TJP1: variants seen among roughly 807,000 people sequenced by gnomAD.
The protein encoded by TJP1 is tight junction protein ZO-1.
TJP1 carries 43 observed loss-of-function variants against 194.2 expected under a neutral mutation model. That is an observed-to-expected ratio of 0.22 (90% CI 0.17 to 0.29). The LOEUF is 0.29. Ranked by LOEUF, TJP1 falls within the 10% of genes least tolerant of loss-of-function variation. The pLI is 1.00. For missense variants in TJP1, 1,971 were observed against 2,185.7 expected (o/e 0.90, Z 1.96); for synonymous variants, 801 against 779.0 (o/e 1.03, Z -0.47).
chr15:29,944,297 A>G (rs1450631042), intron 2 of TJP1, among the ~76,000 whole-genome samples: 1 of 151,458 alleles, frequency 6.6e-6, no homozygotes, highest in Non-Finnish European at 1.5e-5. Flanking sequence ...GGGTTTCACC[A>G]TGTTACCCAG....
At chr15:29,709,782 C>A (rs2042124251) in intron 24 of TJP1, among the ~76,000 whole-genome samples, 1 of 152,142 alleles carries the variant, frequency 6.6e-6, no homozygotes, top group Admixed American at 6.5e-5. Context: ...CAGGAACTAG[C>A]AAAAGAGGTC....
In TJP1 at chr15:29,925,595, AC is replaced by A. The variant is rs1289198539; in HGVS notation, c.306+30636del. 4.6e-5 allele frequency among the ~76,000 whole-genome samples: 7 copies of A among 152,212 alleles called. No individual in the cohort carries two copies. In the East Asian group the frequency reaches 1.3e-3, roughly 29 times the overall value. ...AGGCTGGGACATTATTCTTAGAAATACACAAATACACGCACCCTTTTTTCTA... is the reference window on the plus strand; with the variant it reads ...AGGCTGGGACATTATTCTTAGAAATAACAAATACACGCACCCTTTTTTCTA... On this transcript the variant is annotated intron_variant, in intron 2 of 28. Coordinates refer to the TJP1 transcript ENST00000356107.
intron 2 of TJP1, among the ~76,000 whole-genome samples, chr15:29,881,565 C>T (rs1003921773): frequency 1.3e-5 from 2 of 152,124 alleles, no homozygotes; most frequent in Non-Finnish European, 2.9e-5. Context: ...GCCTGGTTTC[C>T]TCATTTGCTA....
In TJP1 at chr15:29,814,662, C is replaced by A. The variant is rs560469067; in HGVS notation, c.27+7340G>T. ...AAAAGGAAAAAATATTTCGGTAAGT[C>A]AAAAAAAATTAATTAAACCAGGTAT... is the stretch of plus-strand genomic sequence containing the variant. On this transcript the variant is annotated intron_variant, in intron 1 of 27. Transcript: ENST00000614355. 2.0e-3 allele frequency among the ~76,000 whole-genome samples: 304 copies of A among 151,652 alleles called. 2 individuals carry two copies. Among genetic ancestry groups the A allele is most frequent in the African/African-American group, 6.7e-3 (278 of 41,404 alleles).
At chr15:29,806,317 A>G (rs1016820229) in intron 1 of TJP1, among the ~76,000 whole-genome samples, 12 of 152,182 alleles carry the variant, frequency 7.9e-5, no homozygotes, top group African/African-American at 2.4e-4. Context: ...ATGAAAACCA[A>G]TGGAGCTAAT....
chr15:29,748,563 TC>T (rs2044976895), intron 8 of TJP1, among the ~76,000 whole-genome samples: 1 of 104,520 alleles, frequency 9.6e-6, no homozygotes, highest in East Asian at 3.7e-4. Flanking sequence ...CCTTCCTAAT[TC>T]TTTTTTTTTT....
chr15:29,904,176 G>C (rs929402726), intron 2 of TJP1, among the ~76,000 whole-genome samples: 1 of 152,046 alleles, frequency 6.6e-6, no homozygotes. Flanking sequence ...CCACAATGAG[G>C]GTTCAGGATT....
intron 2 of TJP1, among the ~76,000 whole-genome samples, chr15:29,923,104 A>C (rs1003920338): frequency 6.6e-6 from 1 of 152,194 alleles, no homozygotes; most frequent in Non-Finnish European, 1.5e-5. Context: ...GGGAAGGCAG[A>C]GTGGCACTCT....
intron 2 of TJP1, among the ~76,000 whole-genome samples, chr15:29,836,737 G>C (rs898030576): frequency 6.6e-6 from 1 of 152,204 alleles, no homozygotes; most frequent in African/African-American, 2.4e-5. Flanking sequence ...ACTAAGTCAT[G>C]GAGACAGAGC....
intron 2 of TJP1, among the ~76,000 whole-genome samples, chr15:29,775,737 G>C (rs1171932990): frequency 6.6e-6 from 1 of 152,018 alleles, no homozygotes; most frequent in Non-Finnish European, 1.5e-5. Context: ...TATTAGAACA[G>C]CATTAGAAAA....
At chr15:29,710,345 G>A (rs1161800051) in intron 24 of TJP1, among the ~76,000 whole-genome samples, 1 of 152,168 alleles carries the variant, frequency 6.6e-6, no homozygotes, top group Non-Finnish European at 1.5e-5. Flanking sequence ...GTCTGTGCTA[G>A]GAAAATGCCT....
intron 2 of TJP1, among the ~76,000 whole-genome samples, chr15:29,913,948 A>G (rs1319385360): frequency 1.3e-5 from 2 of 152,194 alleles, no homozygotes; most frequent in African/African-American, 4.8e-5. Context: ...TAAAAAGCAG[A>G]TGAGAAAACA....
chr15:29,745,612 T>G (rs2151382236), intron 8 of TJP1, among the ~76,000 whole-genome samples: 1 of 152,302 alleles, frequency 6.6e-6, no homozygotes, highest in African/African-American at 2.4e-5. Flanking sequence ...GCTATATCAG[T>G]AATCTGGTAC....
At chr15:29,951,228 C>T (rs749705585) in intron 2 of TJP1, among the ~76,000 whole-genome samples, 78 of 152,020 alleles carry the variant, frequency 5.1e-4, no homozygotes, top group Non-Finnish European at 9.1e-4. Flanking sequence ...AGTGCAATGG[C>T]ATGATTTCGG....
chr15:29,969,014 C>T (rs1369878074), upstream of TJP1: 1 of 147,756 alleles, frequency 6.8e-6, no homozygotes, highest in East Asian at 2.0e-4. Flanking sequence ...CCGCCGCCGC[C>T]GCCCCTTCCA....
At chr15:29,809,089 T>C (rs371699319) in intron 1 of TJP1, among the ~76,000 whole-genome samples, 1 of 152,212 alleles carries the variant, frequency 6.6e-6, no homozygotes. Context: ...TGTATTATGA[T>C]ATGCTATGTG....
At chr15:29,833,873 A>ATTTTT (rs2050918855) in intron 2 of TJP1, among the ~76,000 whole-genome samples, 5 of 18,152 alleles carry the variant, frequency 2.8e-4, no homozygotes, top group African/African-American at 5.3e-4. Context: ...ATATATATAT[A>ATTTTT]TATATATATT....
chr15:29,718,024 T>C lies in TJP1; in HGVS notation c.3971A>G (p.Tyr1324Cys), dbSNP rs2042674713. The C allele has an allele frequency of 6.2e-7, 1 of 1,611,166 alleles. No individual in the cohort carries two copies. Reference sequence around the variant, plus strand: ...AAAGAGCACAAAGTGTACTCACCTGTACAGAGTTTTGTCATGTTCACTGAA... The same window carrying C: ...AAAGAGCACAAAGTGTACTCACCTGCACAGAGTTTTGTCATGTTCACTGAA... ...NQFSEHDKTLYRIPEPQKPQL... is the reference protein window; with the variant it reads ...NQFSEHDKTLCRIPEPQKPQL... The change falls in exon 22 of 28, where the codon TAC becomes TGC. Residue 1324 changes from tyrosine (Y) to cysteine (C), a missense_variant. Transcript: ENST00000614355.
chr15:29,893,461 C>T (rs1324276890), intron 2 of TJP1, among the ~76,000 whole-genome samples: 3 of 152,170 alleles, frequency 2.0e-5, no homozygotes, highest in Non-Finnish European at 4.4e-5. Context: ...GCATCCCATG[C>T]TTCAGAAAAA....
Sources: allele counts gnomAD v4.1 joint callset (sites outside exome capture counted in the v4.1 genomes callset), GRCh38; gene constraint gnomAD v4.1.1; transcripts MANE v1.5; gene names NCBI Gene and HGNC (gene_info 2026-07-23, HGNC 2026-07-21).